Variants in BACE1 observed in about 807,000 individuals in gnomAD.
BACE1 encodes the protein APP beta-secretase.
BACE1 carries 21 observed loss-of-function variants against 54.0 expected under a neutral mutation model. The ratio of observed to expected loss-of-function variants is 0.39; its 90% CI spans 0.28 to 0.56. The LOEUF (loss-of-function observed/expected upper bound fraction) is 0.56. Among genes scored for constraint, BACE1 ranks in the 20% least tolerant of loss-of-function variants. The probability of loss-of-function intolerance (pLI) is 0.63; values close to 1 mark genes in which losing one functional copy is unlikely to be tolerated. For synonymous variants in BACE1, 232 were observed against 260.9 expected, an observed-to-expected ratio of 0.89 and a Z score of 1.07; for missense variants, 511 against 661.2, an observed-to-expected ratio of 0.77 and a Z score of 2.49.
intron 1 of BACE1, among the ~76,000 whole-genome samples, chr11:117,305,052 G>A (rs1213849837): frequency 4.1e-5 from 6 of 147,774 alleles, no homozygotes; most frequent in African/African-American, 1.0e-4. Context: ...TCAGCCTCCC[G>A]AGTAGCTGGG....
chr11:117,304,706 A>T (rs2034793018), intron 1 of BACE1, among the ~76,000 whole-genome samples: 1 of 152,206 alleles, frequency 6.6e-6, no homozygotes, highest in Non-Finnish European at 1.5e-5. Flanking sequence ...CGCCCAGATA[A>T]GATTAGGTTC....
At chr11:117,298,203 G>A (rs1345591721) in intron 1 of BACE1, among the ~76,000 whole-genome samples, 2 of 152,122 alleles carry the variant, frequency 1.3e-5, no homozygotes, top group African/African-American at 4.8e-5. Flanking sequence ...TTGGGAGGCT[G>A]AGGCAGGAGA....
chr11:117,309,978 G>A (rs767647449), intron 1 of BACE1, among the ~76,000 whole-genome samples: 28 of 150,310 alleles, frequency 1.9e-4, no homozygotes, highest in Admixed American at 1.6e-3. Context: ...GCGCAATCTC[G>A]GCTCACTGCA....
At chr11:117,297,244 G>A (rs2034622633) in intron 1 of BACE1, 4 of 370,072 alleles carry the variant, frequency 1.1e-5, no homozygotes, top group Non-Finnish European at 9.7e-6. Flanking sequence ...GAACTAATAT[G>A]CAAGGGAGTC....
chr11:117,297,055 C>A (rs760700446), intron 1 of BACE1, 94 bp from the exon 2 acceptor site: 3 of 920,274 alleles, frequency 3.3e-6, no homozygotes, highest in Admixed American at 4.2e-5. Flanking sequence ...CAGTCTGCCC[C>A]TTAGAATGTC....
intron 1 of BACE1, among the ~76,000 whole-genome samples, chr11:117,314,338 G>T (rs992429591): frequency 1.3e-5 from 2 of 152,214 alleles, no homozygotes; most frequent in Non-Finnish European, 2.9e-5. Context: ...CTTTCGACTA[G>T]CTGAGAGGTA....
chr11:117,295,213 G>A lies in BACE1; in HGVS notation c.485C>T (p.Ala162Val). ...GAAGAACTTGTCTGATTCAGTGATG[G>A]CAGCAATGTTGGCACGCACAGTGAC... is the stretch of plus-strand genomic sequence containing the variant. ...PNVTVRANIA[A>V]ITESDKFFIN... The change falls in exon 3 of 9, where the codon GCC becomes GTC. Residue 162 changes from alanine (A) to valine (V), a missense_variant. Around this residue, in one of 2 missense-constraint regions of BACE1, gnomAD observed 407 missense variants for 565.7 expected, o/e 0.72. Coordinates refer to ENST00000313005, the MANE Select transcript of BACE1 (RefSeq NM_012104.6). 6.2e-7 allele frequency: 1 copy of A among 1,614,192 alleles called. No homozygotes were observed.
rs1386146136 is a variant in BACE1 at position 117,293,526 on chromosome 11, A to G, written c.706-338T>C. 3 of 276,876 alleles carry G rather than the reference A, an allele frequency of 1.1e-5. No individual in the cohort carries two copies. The highest frequency in any genetic ancestry group is 4.4e-5 in the African/African-American group (2 of 45,496). The allele number at this position is 276,876 out of a possible 1,614,324, so 17.2% of individuals were successfully genotyped here. A position where few individuals can be genotyped will look rare whatever the true frequency, so the allele number is the denominator to read the frequency against. The stretch of plus-strand genomic sequence containing the variant: ...TATTTTCTCTGCTTATTGGAGAACC[A>G]TTCACCATTGTTCTAATTAATTAAT... On this transcript the variant is annotated intron_variant, in intron 4 of 8. Transcript: ENST00000313005. The surrounding 1 kb of genome is among the most constrained non-coding windows in gnomAD (Gnocchi z 4.1).
intron 7 of BACE1, 120 bp from the exon 8 acceptor site, chr11:117,290,779 C>T (rs1346319250): frequency 1.3e-6 from 2 of 1,547,148 alleles, no homozygotes; most frequent in Non-Finnish European, 1.8e-6. Context: ...TTTCTGAGAC[C>T]CCTTTACTGC....
intron 5 of BACE1, chr11:117,292,829 TC>T (rs2034482600): frequency 2.0e-6 from 1 of 491,416 alleles, no homozygotes; most frequent in African/African-American, 2.0e-5. Flanking sequence ...AGTCCAGACA[TC>T]AGAACTAGTT....
intron 1 of BACE1, among the ~76,000 whole-genome samples, chr11:117,302,388 G>A (rs550527394): frequency 5.3e-5 from 8 of 152,204 alleles, no homozygotes; most frequent in African/African-American, 1.9e-4. Context: ...ATAAAGCTCT[G>A]CTGCCAGCCA....
chr11:117,290,849 TC>T (rs778429080), intron 7 of BACE1, 50 bp downstream of exon 7: 1 of 1,596,616 alleles, frequency 6.3e-7, no homozygotes, highest in East Asian at 2.2e-5. Flanking sequence ...GCTCACTGTC[TC>T]CCAGTGTGTA....
At position 117,293,725 on chromosome 11, in the gene BACE1, ATAAAG is replaced by A. The variant is rs1293337640; in HGVS notation, c.705+141_705+145del. The A allele has an allele frequency of 1.3e-6, 1 of 787,510 alleles. No homozygotes were observed. Among genetic ancestry groups the A allele is most frequent in the Non-Finnish European group, 1.8e-6 (1 of 563,112 alleles). 48.8% of individuals were successfully genotyped at this position (787,510 alleles called of 1,614,324 possible). On this transcript the variant is annotated intron_variant, in intron 4 of 8. Coordinates refer to ENST00000313005, the MANE Select transcript of BACE1 (RefSeq NM_012104.6). This position sits in a 1 kb window ranked among gnomAD's most constrained non-coding sequence, Gnocchi z 4.1. Reference sequence around the variant, plus strand: ...ACGCAAAAAAGAAAAGAATGGAAAAATAAAGTAAGGGTAGGGAATATAAAGAGGTT... The same window carrying A: ...ACGCAAAAAAGAAAAGAATGGAAAAATAAGGGTAGGGAATATAAAGAGGTT...
In BACE1 at chr11:117,309,278, T is replaced by C. The variant is rs989870517; in HGVS notation, c.261+6257A>G. On this transcript the variant is annotated intron_variant, in intron 1 of 8. Transcript: ENST00000313005. ...TTCCTGGAACTAAAATTAGACGATA[T>C]CATCCCTCTTCTCGTATACCTACAA... Among the ~76,000 whole-genome samples the C allele has an allele frequency of 3.3e-5, 5 of 152,290 alleles. No homozygotes were observed. In the East Asian group the frequency reaches 9.7e-4, roughly 29 times the overall value.
At chr11:117,312,326 G>A (rs1236286185) in intron 1 of BACE1, among the ~76,000 whole-genome samples, 2 of 152,176 alleles carry the variant, frequency 1.3e-5, no homozygotes, top group Non-Finnish European at 2.9e-5. Flanking sequence ...TGCCCCCTGG[G>A]AATAGCCTGC....
intron 2 of BACE1, 42 bp from the exon 3 acceptor site, chr11:117,295,389 C>A: frequency 1.3e-6 from 2 of 1,599,626 alleles, no homozygotes; most frequent in Non-Finnish European, 1.7e-6. Context: ...ATAACCACAA[C>A]TGGTATAAGG....
chr11:117,304,066 C>A (rs1472042822), intron 1 of BACE1, among the ~76,000 whole-genome samples: 1 of 152,226 alleles, frequency 6.6e-6, no homozygotes, highest in African/African-American at 2.4e-5. Context: ...CCCTGCCCCC[C>A]ATACATGCCC....
In BACE1 at chr11:117,290,579, G is replaced by T. The variant is rs11216349; in HGVS notation, c.1173C>A (p.Gly391=). Residue 391 remains glycine, a synonymous_variant, in exon 8 of 9, where the codon GGC becomes GGA. Transcript: ENST00000313005. ...CCATGATAACAGCTCCCATAACAGT[G>T]CCCGTGGATGACTGTGAGATGGCAA... ...YKFAISQSST[G]TVMGAVIMEG... is the part of the protein sequence containing the mutation. 2.8e-4 allele frequency: 458 copies of T among 1,614,220 alleles called. 7 individuals are homozygous for T. The East Asian group carries it at 7.5e-3, about 26-fold the overall frequency.
chr11:117,307,647 C>T (rs764429968), intron 1 of BACE1, among the ~76,000 whole-genome samples: 1 of 152,164 alleles, frequency 6.6e-6, no homozygotes, highest in Non-Finnish European at 1.5e-5. Context: ...TTCTGCCCAG[C>T]CCTTTATTGG....
Sources: gnomAD v4.1 joint callset for allele counts (sites outside exome capture counted in the v4.1 genomes callset) on GRCh38, gnomAD v4.1.1 for gene constraint, gnomAD v4.1.1 regional missense constraint, Gnocchi (gnomAD v3.1) non-coding constraint, MANE v1.5 for transcripts, NCBI Gene and HGNC (gene_info 2026-07-23, HGNC 2026-07-21) for gene names.